Variants in RNF216 observed in about 807,000 individuals in gnomAD.
RNF216 encodes the protein E3 ubiquitin-protein ligase RNF216.
In RNF216, 72 loss-of-function variants were observed where a neutral mutation model predicts 110.8. The observed-to-expected ratio is 0.65, with a 90% CI of 0.54 to 0.79. The LOEUF is 0.79. RNF216 is among the 30% of genes least tolerant of loss of function. The pLI is 0.00. For missense variants in RNF216, 1,342 were observed against 1,141.2 expected (o/e 1.18, Z -2.54); for synonymous variants, 495 against 407.5 (o/e 1.21, Z -2.59).
At position 5,622,671 on chromosome 7, in the gene RNF216, T is replaced by C; in HGVS notation, c.*189A>G. ...TCTCCGAACTCCACCATTTGGGACGTCTTTATTATGGATCCGTCCACTCTT... is the reference window on the plus strand; with the variant it reads ...TCTCCGAACTCCACCATTTGGGACGCCTTTATTATGGATCCGTCCACTCTT... On this transcript the variant is annotated 3_prime_UTR_variant, in exon 17 of 17. Transcript: ENST00000389902. 1.7e-6 allele frequency: 1 copy of C among 604,476 alleles called. No homozygotes were observed. Among genetic ancestry groups the C allele is most frequent in the Non-Finnish European group, 2.9e-6 (1 of 348,214 alleles). 37.4% of individuals were successfully genotyped at this position (604,476 alleles called of 1,614,324 possible).
chr7:5,718,718 T>G (rs894115809), intron 9 of RNF216, among the ~76,000 whole-genome samples: 5 of 152,064 alleles, frequency 3.3e-5, no homozygotes, highest in Non-Finnish European at 2.9e-5. Flanking sequence ...GCCCAGCTAA[T>G]TTATTTTTAG....
At chr7:5,646,663 A>G (rs1788068093) in intron 14 of RNF216, among the ~76,000 whole-genome samples, 1 of 151,912 alleles carries the variant, frequency 6.6e-6, no homozygotes, top group Non-Finnish European at 1.5e-5. Flanking sequence ...ACTGCACTCC[A>G]GCCTGGCGAC....
intron 1 of RNF216, among the ~76,000 whole-genome samples, chr7:5,762,718 A>C (rs1280837104): frequency 2.6e-5 from 4 of 152,040 alleles, no homozygotes; most frequent in African/African-American, 9.7e-5. Flanking sequence ...ACAAAAAAAA[A>C]ATTAAAAATA....
At chr7:5,755,951 G>C (rs1354581864) in intron 2 of RNF216, among the ~76,000 whole-genome samples, 1 of 140,708 alleles carries the variant, frequency 7.1e-6, no homozygotes, top group East Asian at 2.2e-4. Context: ...ACACAATCAT[G>C]CTCATTCATT....
chr7:5,687,411 A>G (rs983464504), intron 13 of RNF216, among the ~76,000 whole-genome samples: 37 of 150,928 alleles, frequency 2.5e-4, no homozygotes, highest in Middle Eastern at 3.4e-3. Context: ...AAAAAAAAAA[A>G]AAAGAAAAAG....
chr7:5,733,772 G>T (rs1361514943), intron 5 of RNF216, among the ~76,000 whole-genome samples: 1 of 151,032 alleles, frequency 6.6e-6, no homozygotes, highest in Non-Finnish European at 1.5e-5. Context: ...AATTAGCAAA[G>T]AAATGTCACT....
intron 5 of RNF216, among the ~76,000 whole-genome samples, chr7:5,732,067 C>A (rs1794125093): frequency 6.6e-6 from 1 of 152,160 alleles, no homozygotes; most frequent in African/African-American, 2.4e-5. Context: ...CTGCCCAGTC[C>A]ACGGAACACA....
chr7:5,729,330 T>A (rs762726769), intron 7 of RNF216, 102 bp downstream of exon 7: 21 of 1,150,240 alleles, frequency 1.8e-5, no homozygotes, highest in Non-Finnish European at 2.6e-5. Flanking sequence ...TCCTTAGCAA[T>A]CATAAACCAT....
chr7:5,644,095 ATTGAG>A (rs1216427291), intron 14 of RNF216, among the ~76,000 whole-genome samples: 1 of 151,998 alleles, frequency 6.6e-6, no homozygotes, highest in Non-Finnish European at 1.5e-5. Context: ...GAGTTGATGG[ATTGAG>A]TTTTTTTTGC....
intron 15 of RNF216, among the ~76,000 whole-genome samples, chr7:5,628,675 C>T (rs1427031239): frequency 1.4e-5 from 2 of 146,514 alleles, no homozygotes; most frequent in African/African-American, 5.1e-5. Context: ...GCGCCCACCA[C>T]CATATCTGAC....
chr7:5,662,496 TCA>T (rs1305938453), intron 13 of RNF216: 5 of 152,186 alleles, frequency 3.3e-5, no homozygotes, highest in African/African-American at 4.8e-5. Context: ...CTTGAGATTA[TCA>T]CCATCACTGA....
At chr7:5,725,158 C>T (rs1793671425) in intron 8 of RNF216, among the ~76,000 whole-genome samples, 166 bp downstream of exon 8, 1 of 152,194 alleles carries the variant, frequency 6.6e-6, no homozygotes, top group Non-Finnish European at 1.5e-5. Flanking sequence ...GCAGCCACTT[C>T]CTAAAAATTT....
At chr7:5,769,090 T>C (rs1796358355) in intron 1 of RNF216, among the ~76,000 whole-genome samples, 1 of 150,620 alleles carries the variant, frequency 6.6e-6, no homozygotes, top group Admixed American at 6.6e-5. Context: ...GGTAAAATAG[T>C]TTATTAGACA....
chr7:5,695,481 C>T (rs910130718), intron 13 of RNF216, among the ~76,000 whole-genome samples: 5 of 152,196 alleles, frequency 3.3e-5, no homozygotes, highest in Non-Finnish European at 1.5e-5. Context: ...CTGTTAGGCA[C>T]GGGGTGAGCA....
intron 8 of RNF216, among the ~76,000 whole-genome samples, chr7:5,724,413 T>A (rs2128638735): frequency 6.6e-6 from 1 of 152,326 alleles, no homozygotes; most frequent in South Asian, 2.1e-4. Context: ...TCTCCACCAC[T>A]GAAGTCAGAA....
chr7:5,725,430 A>T lies in RNF216; in HGVS notation c.1398T>A (p.Ser466=). 6.3e-7 allele frequency: 1 copy of T among 1,594,018 alleles called. No homozygotes were observed. The highest frequency in any genetic ancestry group is 8.6e-7 in the Non-Finnish European group (1 of 1,163,210). The change falls in exon 8 of 17, where the codon TCT becomes TCA. Residue 466 remains serine, a synonymous_variant. Coordinates refer to ENST00000389902, the MANE Select transcript of RNF216 (RefSeq NM_207111.4). ...GCTCCTGCCATTTTTTAATGGCATC[A>T]GACAAGGCCTAAAAATTGAGAAAAG... ...GHYAITRKAL[S]DAIKKWQELS...
chr7:5,632,799 C>A (rs1316274869), intron 15 of RNF216, among the ~76,000 whole-genome samples: 1 of 152,068 alleles, frequency 6.6e-6, no homozygotes, highest in Non-Finnish European at 1.5e-5. Context: ...ACGAAGCCCT[C>A]CAGTGCCCCA....
intron 9 of RNF216, among the ~76,000 whole-genome samples, chr7:5,719,294 G>C (rs79032146): frequency 3.3e-4 from 51 of 152,290 alleles, no homozygotes; most frequent in Middle Eastern, 3.4e-3. Context: ...AGGACTGCTT[G>C]AGCCCAGGAG....
intron 3 of RNF216, among the ~76,000 whole-genome samples, chr7:5,751,151 T>C (rs945999012): frequency 6.6e-6 from 1 of 152,130 alleles, no homozygotes; most frequent in Non-Finnish European, 1.5e-5. Context: ...TACAGCTACC[T>C]GTCAAATGCC....
Sources: gnomAD v4.1 joint callset for allele counts (sites outside exome capture counted in the v4.1 genomes callset) on GRCh38, gnomAD v4.1.1 for gene constraint, MANE v1.5 for transcripts, NCBI Gene and HGNC (gene_info 2026-07-23, HGNC 2026-07-21) for gene names.